The following LRRN2 variants were observed in gnomAD, a reference collection of about 807,000 sequenced individuals.
LRRN2 encodes leucine-rich repeat neuronal protein 2.
Under a neutral mutation model 35.7 loss-of-function variants are expected in LRRN2, and 10 were observed. The observed-to-expected ratio is 0.28, with a 90% CI of 0.17 to 0.47. The LOEUF (loss-of-function observed/expected upper bound fraction) is 0.47. LRRN2 is among the 20% of genes least tolerant of loss of function. LRRN2 has a pLI of 0.99. For synonymous variants in LRRN2, 391 were observed against 409.6 expected (o/e 0.95, Z 0.55); for missense variants, 731 against 940.3 (o/e 0.78, Z 2.91).
intron 1 of LRRN2, among the ~76,000 whole-genome samples, chr1:204,676,546 C>G (rs1668828505): frequency 6.6e-6 from 1 of 152,076 alleles, no homozygotes. Context: ...TGCTTGGGAC[C>G]CAGTGGGGCT....
At chr1:204,649,906 T>A (rs887470016) in intron 1 of LRRN2, among the ~76,000 whole-genome samples, 6 of 151,962 alleles carry the variant, frequency 3.9e-5, no homozygotes, top group Non-Finnish European at 7.4e-5. Context: ...GGAAGCAGGG[T>A]CCCCAGAGAC....
rs764830751 is a variant in LRRN2 at position 204,619,573 on chromosome 1, C to T, written c.420G>A (p.Leu140=). 1.2e-6 allele frequency: 2 copies of T among 1,613,216 alleles called. No homozygotes were observed. The highest frequency in any genetic ancestry group is 1.7e-6 in the Non-Finnish European group (2 of 1,179,982). ...TRLEDHSFAG[L]ASLQELYLNH... is the part of the protein sequence containing the mutation. ...TGAGATAGAGTTCCTGTAGGCTGGC[C>T]AGCCCTGCAAAGCTGTGGTCCTCCA... is the stretch of plus-strand genomic sequence containing the variant. The change falls in exon 2 of 2, where the codon CTG becomes CTA. Residue 140 remains leucine (L), a synonymous_variant. Transcript: ENST00000367177.
intron 1 of LRRN2, among the ~76,000 whole-genome samples, chr1:204,665,254 G>A (rs185608155): frequency 1.1e-4 from 17 of 152,184 alleles, no homozygotes; most frequent in Admixed American, 5.9e-4. Context: ...GTCTCAGGGC[G>A]CAATCCCACA....
intron 1 of LRRN2, among the ~76,000 whole-genome samples, chr1:204,655,611 G>GT (rs71789272): frequency 2.1e-4 from 31 of 148,030 alleles, no homozygotes; most frequent in East Asian, 6.0e-4. Flanking sequence ...AGGTTTTTTT[G>GT]TTTTTTTTTT....
chr1:204,633,750 C>G (rs77261811), intron 1 of LRRN2, among the ~76,000 whole-genome samples: 1 of 152,212 alleles, frequency 6.6e-6, no homozygotes. Flanking sequence ...CTCCAGTCCC[C>G]GCTGCCCAGC....
chr1:204,683,402 G>A (rs561966369), intron 1 of LRRN2, among the ~76,000 whole-genome samples: 3 of 152,122 alleles, frequency 2.0e-5, no homozygotes, highest in East Asian at 3.9e-4. Flanking sequence ...CAGTGTGAGG[G>A]GGAAAAGGGA....
chr1:204,650,094 C>T (rs1571661173), intron 1 of LRRN2, among the ~76,000 whole-genome samples: 1 of 152,334 alleles, frequency 6.6e-6, no homozygotes, highest in East Asian at 1.9e-4. Flanking sequence ...GGCCCTGGGC[C>T]CTGTGCCAGC....
intron 1 of LRRN2, among the ~76,000 whole-genome samples, chr1:204,676,998 T>C (rs1357463120): frequency 6.6e-6 from 1 of 152,176 alleles, no homozygotes; most frequent in Admixed American, 6.5e-5. Flanking sequence ...CAGCGTTATG[T>C]GGACGAAATG....
intron 1 of LRRN2, chr1:204,664,017 G>A (rs1444897361): frequency 2.0e-5 from 3 of 152,284 alleles, no homozygotes; most frequent in Non-Finnish European, 4.4e-5. Context: ...CCAGGTGAGT[G>A]GGCTTCCCCA....
chr1:204,659,180 T>C (rs1172743503), intron 1 of LRRN2, among the ~76,000 whole-genome samples: 4 of 152,224 alleles, frequency 2.6e-5, no homozygotes. Flanking sequence ...TGGTAGTCTC[T>C]AATCCACGGA....
chr1:204,641,179 T>A (rs555272651), intron 1 of LRRN2, among the ~76,000 whole-genome samples: 22 of 152,198 alleles, frequency 1.4e-4, no homozygotes, highest in African/African-American at 5.3e-4. Context: ...AGGACATCTG[T>A]CCACAGCTGG....
chr1:204,683,668 C>T (rs1669002527), intron 1 of LRRN2, among the ~76,000 whole-genome samples: 1 of 152,034 alleles, frequency 6.6e-6, no homozygotes, highest in South Asian at 2.1e-4. Context: ...GGTGCCAGAC[C>T]CTGGGCAGAC....
intron 1 of LRRN2, among the ~76,000 whole-genome samples, chr1:204,681,738 A>C (rs1056169861): frequency 1.3e-5 from 2 of 152,238 alleles, no homozygotes; most frequent in Non-Finnish European, 2.9e-5. Context: ...TCAGCCTCTG[A>C]GCTGTAGGCC....
chr1:204,620,124 G>A lies in LRRN2; in HGVS notation c.-132C>T, dbSNP rs751886232. On this transcript the variant is annotated 5_prime_UTR_variant, in exon 2 of 2. Transcript: ENST00000367177. ...CCTCCCAGGGCAGTCATTCTACACC[G>A]GGCGTCACTTCTTGCCCTCCTCAAT... is the stretch of plus-strand genomic sequence containing the variant. 2.2e-5 allele frequency: 32 copies of A among 1,467,162 alleles called. No individual in the cohort carries two copies. Among genetic ancestry groups the A allele is most frequent in the Non-Finnish European group, 2.4e-5 (27 of 1,107,946 alleles). 90.9% of individuals were successfully genotyped at this position (1,467,162 alleles called of 1,614,324 possible).
chr1:204,679,803 GT>G (rs1185792410), intron 1 of LRRN2, among the ~76,000 whole-genome samples: 1 of 152,218 alleles, frequency 6.6e-6, no homozygotes, highest in African/African-American at 2.4e-5. Flanking sequence ...GTGGCTCCAT[GT>G]GGCCCCGAGG....
chr1:204,621,197 G>A (rs1666866229), intron 1 of LRRN2: 1 of 167,232 alleles, frequency 6.0e-6, no homozygotes, highest in Non-Finnish European at 1.5e-5. Flanking sequence ...CTGGGTCTGA[G>A]CTCCTCAGCT....
intron 1 of LRRN2, among the ~76,000 whole-genome samples, chr1:204,630,051 C>T (rs1249050040): frequency 2.0e-5 from 3 of 152,124 alleles, no homozygotes; most frequent in South Asian, 4.2e-4. Context: ...ATGCAATTTT[C>T]CTCAGTAACA....
intron 1 of LRRN2, among the ~76,000 whole-genome samples, chr1:204,658,976 T>C (rs1668414863): frequency 6.6e-6 from 1 of 152,236 alleles, no homozygotes; most frequent in South Asian, 2.1e-4. Context: ...ATTCTCCGTT[T>C]ATCATAAGGT....
intron 1 of LRRN2, among the ~76,000 whole-genome samples, chr1:204,647,155 TAA>T (rs11284966): frequency 0.16 from 22,131 of 142,636 alleles, 1,783 homozygotes; most frequent in East Asian, 0.29. Context: ...GCAAGGAGGT[TAA>T]AAAAAAAAAA....
Sources: gnomAD v4.1 joint callset for allele counts (sites outside exome capture counted in the v4.1 genomes callset) on GRCh38, gnomAD v4.1.1 for gene constraint, MANE v1.5 for transcripts, NCBI Gene and HGNC (gene_info 2026-07-23, HGNC 2026-07-21) for gene names.